SUPT3H: variants seen among roughly 807,000 people sequenced by gnomAD.
SUPT3H encodes SPT3 homolog, SAGA and STAGA complex component.
A neutral mutation model predicts 44.3 loss-of-function variants in SUPT3H; 44 were observed. The observed-to-expected ratio is 0.99, with a 90% CI of 0.78 to 1.28. The LOEUF (loss-of-function observed/expected upper bound fraction) is 1.28. Among genes scored for constraint, SUPT3H ranks in the 50% most tolerant of loss-of-function variants. The probability of loss-of-function intolerance (pLI) is 0.00; values close to 1 mark genes in which losing one functional copy is unlikely to be tolerated. For synonymous variants in SUPT3H, 124 were observed against 125.6 expected (o/e 0.99, Z 0.09); for missense variants, 380 against 387.1 (o/e 0.98, Z 0.15).
Position 45,137,409 on chromosome 6 carries a change from T to C in SUPT3H, c.102-31403A>G, listed in dbSNP as rs542051988. 2.6e-5 allele frequency among the ~76,000 whole-genome samples: 4 copies of C among 152,160 alleles called. No homozygotes were observed. In the East Asian group the frequency reaches 5.8e-4, roughly 22 times the overall value. On this transcript the variant is annotated intron_variant, in intron 2 of 10. Coordinates refer to ENST00000371459, the MANE Select transcript of SUPT3H (RefSeq NM_003599.4). ...TTTTCACATTTCTTCCCTTAGTTTC[T>C]TTTAAAGACATATTATAAAAAGCAA...
intron 2 of SUPT3H, among the ~76,000 whole-genome samples, chr6:45,214,320 A>G (rs1764667548): frequency 1.3e-5 from 2 of 152,148 alleles, no homozygotes; most frequent in Non-Finnish European, 2.9e-5. Flanking sequence ...ATGGGAATGT[A>G]ATGTGATTGA....
Position 45,365,244 on chromosome 6 carries a change from T to C in SUPT3H, c.58A>G (p.Thr20Ala). 1 of 1,612,740 alleles carries C rather than the reference T, an allele frequency of 6.2e-7. No individual in the cohort carries two copies. The highest frequency in any genetic ancestry group is 8.5e-7 in the Non-Finnish European group (1 of 1,179,244). ...GTTGCAAAGCTTATAGACTTCCCTGTACTCCTTCCACTACTTGAAGTTGCA... is the reference window on the plus strand; with the variant it reads ...GTTGCAAAGCTTATAGACTTCCCTGCACTCCTTCCACTACTTGAAGTTGCA... ...STATSSSGRSTGKSISFATEL... is the reference protein window; with the variant it reads ...STATSSSGRSAGKSISFATEL... Residue 20 changes from threonine to alanine, a missense_variant, in exon 2 of 11, where the codon ACA (threonine) becomes GCA (alanine). Transcript: ENST00000371459.
chr6:45,104,248 T>C (rs941306133), intron 3 of SUPT3H, among the ~76,000 whole-genome samples: 5 of 152,140 alleles, frequency 3.3e-5, no homozygotes, highest in African/African-American at 4.8e-5. Context: ...AGTTATAATG[T>C]TGTCATATAA....
chr6:45,071,887 A>G (rs1008214375), intron 3 of SUPT3H, among the ~76,000 whole-genome samples: 3 of 152,192 alleles, frequency 2.0e-5, no homozygotes, highest in African/African-American at 7.2e-5. Context: ...CCTGGATTAT[A>G]CCTGAATTCA....
At chr6:45,024,636 C>T (rs1296806141) in intron 3 of SUPT3H, among the ~76,000 whole-genome samples, 2 of 152,056 alleles carry the variant, frequency 1.3e-5, no homozygotes, top group African/African-American at 4.8e-5. Context: ...CCTTTGTGTA[C>T]TTGTGATGGT....
chr6:45,218,654 A>C (rs1765485810), intron 2 of SUPT3H, among the ~76,000 whole-genome samples: 1 of 152,216 alleles, frequency 6.6e-6, no homozygotes, highest in Non-Finnish European at 1.5e-5. Context: ...GAATCACTTG[A>C]ACCTGGGAGG....
At chr6:44,932,178 A>G (rs1582580694) in intron 10 of SUPT3H, among the ~76,000 whole-genome samples, 2 of 152,292 alleles carry the variant, frequency 1.3e-5, no homozygotes, top group African/African-American at 2.4e-5. Context: ...TAAGTTTTCA[A>G]ATCATTTGAA....
At chr6:45,185,268 G>C (rs1813998293) in intron 2 of SUPT3H, among the ~76,000 whole-genome samples, 1 of 152,136 alleles carries the variant, frequency 6.6e-6, no homozygotes, top group Non-Finnish European at 1.5e-5. Flanking sequence ...TGGGACGCAG[G>C]AAAGAGTTGA....
chr6:45,245,208 A>G (rs1216585841), intron 2 of SUPT3H, among the ~76,000 whole-genome samples: 1 of 152,144 alleles, frequency 6.6e-6, no homozygotes, highest in Non-Finnish European at 1.5e-5. Context: ...AAGTCCCTAA[A>G]TAATACCATT....
At chr6:44,838,528 A>G (rs1770339172) in intron 10 of SUPT3H, among the ~76,000 whole-genome samples, 1 of 152,100 alleles carries the variant, frequency 6.6e-6, no homozygotes, top group South Asian at 2.1e-4. Flanking sequence ...AGGGGACAAA[A>G]AAGTGTTTTA....
At chr6:44,825,329 A>T (rs969533935), downstream of SUPT3H, among the ~76,000 whole-genome samples, 1 of 152,244 alleles carries the variant, frequency 6.6e-6, no homozygotes, top group Non-Finnish European at 1.5e-5. Flanking sequence ...AGGAATGTTA[A>T]GTTAAAATTT....
chr6:45,088,166 G>A (rs1238038171), intron 3 of SUPT3H, among the ~76,000 whole-genome samples: 1 of 152,030 alleles, frequency 6.6e-6, no homozygotes, highest in African/African-American at 2.4e-5. Context: ...GACAAGAAAG[G>A]AACAAGGAAA....
intron 2 of SUPT3H, among the ~76,000 whole-genome samples, chr6:45,282,415 T>C (rs369335596): frequency 1.3e-5 from 2 of 152,038 alleles, no homozygotes; most frequent in African/African-American, 4.8e-5. Flanking sequence ...CTGAAAACCA[T>C]GGCACGAGAA....
chr6:45,115,519 T>C (rs576603750), intron 2 of SUPT3H, among the ~76,000 whole-genome samples: 58 of 152,304 alleles, frequency 3.8e-4, no homozygotes, highest in African/African-American at 1.3e-3. Context: ...ACGTATTTAC[T>C]GTGTATATAA....
At chr6:45,101,386 T>C (rs1798551058) in intron 3 of SUPT3H, among the ~76,000 whole-genome samples, 2 of 152,070 alleles carry the variant, frequency 1.3e-5, no homozygotes, top group South Asian at 4.1e-4. Flanking sequence ...GATCGTGCCA[T>C]TGCACTCCAG....
At chr6:45,341,711 G>A (rs1428246439) in intron 2 of SUPT3H, among the ~76,000 whole-genome samples, 2 of 152,168 alleles carry the variant, frequency 1.3e-5, no homozygotes, top group African/African-American at 4.8e-5. Context: ...ATAGTTAAAA[G>A]TCCTCAGCAG....
At chr6:45,120,198 C>T (rs1801415545) in intron 2 of SUPT3H, among the ~76,000 whole-genome samples, 1 of 151,996 alleles carries the variant, frequency 6.6e-6, no homozygotes, top group South Asian at 2.1e-4. Flanking sequence ...AACCCTCTAA[C>T]TGCTCTATAA....
intron 2 of SUPT3H, among the ~76,000 whole-genome samples, chr6:45,200,368 G>A (rs551876305): frequency 2.0e-5 from 3 of 151,422 alleles, no homozygotes; most frequent in African/African-American, 7.2e-5. Context: ...GTTCAATGTT[G>A]AATGAAAGCA....
chr6:45,281,928 A>C (rs894314026), intron 2 of SUPT3H, among the ~76,000 whole-genome samples: 1 of 152,206 alleles, frequency 6.6e-6, no homozygotes, highest in Non-Finnish European at 1.5e-5. Context: ...TTTGCTGCTC[A>C]CCAATATCTG....
Sources: allele counts gnomAD v4.1 joint callset (sites outside exome capture counted in the v4.1 genomes callset), GRCh38; gene constraint gnomAD v4.1.1; transcripts MANE v1.5; gene names NCBI Gene and HGNC (gene_info 2026-07-23, HGNC 2026-07-21).